Variants in RIMS2 observed in about 807,000 individuals in gnomAD.
RIMS2 encodes regulating synaptic membrane exocytosis protein 2.
In RIMS2, 59 loss-of-function variants were observed where a neutral mutation model predicts 174.4. The ratio of observed to expected loss-of-function variants is 0.34; its 90% CI spans 0.27 to 0.42. The LOEUF is 0.42. Among genes scored for constraint, RIMS2 ranks in the 10% least tolerant of loss-of-function variants. The probability of loss-of-function intolerance (pLI) is 1.00; values close to 1 mark genes in which losing one functional copy is unlikely to be tolerated. For synonymous variants in RIMS2, 606 were observed against 572.5 expected (o/e 1.06, Z -0.84); for missense variants, 1,620 against 1,666.3 (o/e 0.97, Z 0.48).
At chr8:103,741,186 A>G (rs1357114337) in intron 2 of RIMS2, among the ~76,000 whole-genome samples, 2 of 152,048 alleles carry the variant, frequency 1.3e-5, no homozygotes, top group Admixed American at 1.3e-4. Flanking sequence ...TTGATGAGAC[A>G]AAAGGGACTG....
chr8:104,195,122 T>A (rs1383301669), intron 19 of RIMS2, among the ~76,000 whole-genome samples: 1 of 152,192 alleles, frequency 6.6e-6, no homozygotes, highest in Non-Finnish European at 1.5e-5. Flanking sequence ...AGATTGAAGG[T>A]GGAACGACAG....
At chr8:103,626,090 C>T (rs937754601) in intron 1 of RIMS2, among the ~76,000 whole-genome samples, 3 of 151,978 alleles carry the variant, frequency 2.0e-5, no homozygotes, top group Non-Finnish European at 2.9e-5. Context: ...TTATAAATTT[C>T]TTTATATTTT....
chr8:103,807,106 C>T (rs901491037), intron 3 of RIMS2, among the ~76,000 whole-genome samples: 1 of 151,862 alleles, frequency 6.6e-6, no homozygotes, highest in Non-Finnish European at 1.5e-5. Context: ...GAAGGGGGAG[C>T]TGTAAATAAA....
chr8:103,686,621 T>G (rs2096943086), intron 1 of RIMS2, among the ~76,000 whole-genome samples: 1 of 152,226 alleles, frequency 6.6e-6, no homozygotes, highest in African/African-American at 2.4e-5. Flanking sequence ...CAAACTTACA[T>G]TCCTAAGATA....
intron 16 of RIMS2, among the ~76,000 whole-genome samples, chr8:103,983,380 A>G (rs1443207506): frequency 6.6e-6 from 1 of 152,236 alleles, no homozygotes; most frequent in Non-Finnish European, 1.5e-5. Context: ...CATTCATCAC[A>G]GAAATTGAAG....
Position 103,952,539 on chromosome 8 carries a change from C to T in RIMS2, c.2702-8526C>T, listed in dbSNP as rs539444673. ...AGGAGCCTGACTGTTGGAAGGAAACCGACAAACAGAAAGGAATAGTATTAA... is the reference window on the plus strand; with the variant it reads ...AGGAGCCTGACTGTTGGAAGGAAACTGACAAACAGAAAGGAATAGTATTAA... On this transcript the variant is annotated intron_variant, in intron 14 of 23. Transcript: ENST00000504942. Among the ~76,000 whole-genome samples, 16 of 152,212 alleles carry T rather than the reference C, an allele frequency of 1.1e-4. No individual in the cohort carries two copies. In the East Asian group the frequency reaches 1.7e-3, roughly 17 times the overall value.
chr8:103,648,336 G>T (rs2096384186), intron 1 of RIMS2, among the ~76,000 whole-genome samples: 1 of 151,980 alleles, frequency 6.6e-6, no homozygotes, highest in East Asian at 1.9e-4. Context: ...TTTTACTTCA[G>T]ATTATGTGAT....
intron 19 of RIMS2, among the ~76,000 whole-genome samples, chr8:104,217,435 A>G (rs934392514): frequency 2.0e-5 from 3 of 151,912 alleles, no homozygotes; most frequent in African/African-American, 7.3e-5. Context: ...CACCTGGCTA[A>G]TTTTGGTATT....
intron 1 of RIMS2, among the ~76,000 whole-genome samples, chr8:103,539,392 A>G (rs1587131689): frequency 6.6e-6 from 1 of 152,354 alleles, no homozygotes; most frequent in East Asian, 1.9e-4. Context: ...ACAGCTATCC[A>G]TAAACTGAAA....
intron 16 of RIMS2, among the ~76,000 whole-genome samples, chr8:103,986,893 T>A (rs1596445984): frequency 7.1e-6 from 1 of 141,802 alleles, no homozygotes; most frequent in African/African-American, 2.5e-5. Flanking sequence ...AACAGTAAAA[T>A]AAAATTAAAA....
intron 19 of RIMS2, among the ~76,000 whole-genome samples, chr8:104,089,265 C>T (rs1300306118): frequency 6.6e-6 from 1 of 151,832 alleles, no homozygotes; most frequent in African/African-American, 2.4e-5. Flanking sequence ...CCAACCATTT[C>T]CTAAATAAAT....
At chr8:104,175,866 T>A (rs1343969859) in intron 19 of RIMS2, among the ~76,000 whole-genome samples, 1 of 152,330 alleles carries the variant, frequency 6.6e-6, no homozygotes, top group South Asian at 2.1e-4. Context: ...GGCCAGTCAC[T>A]GATGTATGCT....
chr8:103,609,869 A>T (rs978558871), intron 1 of RIMS2, among the ~76,000 whole-genome samples: 2 of 152,196 alleles, frequency 1.3e-5, no homozygotes, highest in Non-Finnish European at 2.9e-5. Context: ...TCTGTGAAGT[A>T]TGTCATTGGT....
chr8:103,762,928 A>C lies in RIMS2; in HGVS notation c.388-3299A>C, dbSNP rs574111292. On this transcript the variant is annotated intron_variant, in intron 2 of 23. Coordinates refer to ENST00000504942, the Ensembl canonical transcript of RIMS2. ...TGTATCTGAACATATTTAAATATAG[A>C]AAAGGCATGGTAAAAATACGGTATT... 7.9e-5 allele frequency among the ~76,000 whole-genome samples: 12 copies of C among 152,324 alleles called. No homozygotes were observed. The East Asian group carries it at 2.3e-3, about 29-fold the overall frequency.
rs1378451668 is a variant in RIMS2 at position 103,593,842 on chromosome 8, T to A, written c.176+92780T>A. The stretch of plus-strand genomic sequence containing the variant: ...AATCAATTTAAAAATAAATAGAAAA[T>A]TTAATTTCTAAAAAGTAGATAGAAA... On this transcript the variant is annotated intron_variant, in intron 1 of 23. Coordinates refer to ENST00000504942, the Ensembl canonical transcript of RIMS2. 5.3e-5 allele frequency among the ~76,000 whole-genome samples: 8 copies of A among 151,310 alleles called. No individual in the cohort carries two copies. In the East Asian group the frequency reaches 1.5e-3, roughly 29 times the overall value.
At chr8:104,223,812 CG>C (rs1236584357) in intron 19 of RIMS2, 6 of 1,586,026 alleles carry the variant, frequency 3.8e-6, no homozygotes, top group Non-Finnish European at 4.3e-6. Context: ...CCCCTTCCCC[CG>C]TAGTTGGTGT....
chr8:103,946,571 G>T (rs984883259), intron 14 of RIMS2, among the ~76,000 whole-genome samples: 5 of 152,062 alleles, frequency 3.3e-5, no homozygotes, highest in Admixed American at 1.3e-4. Flanking sequence ...GTTCAAACTC[G>T]TACAATAAAA....
chr8:103,819,172 A>G (rs1735714742), intron 3 of RIMS2: 1 of 1,067,142 alleles, frequency 9.4e-7, no homozygotes, highest in Admixed American at 5.2e-5. Flanking sequence ...CATGTTTTTA[A>G]TAGGCTTAGA....
intron 2 of RIMS2, among the ~76,000 whole-genome samples, chr8:103,729,259 C>T (rs2097563375): frequency 6.6e-6 from 1 of 151,982 alleles, no homozygotes; most frequent in Admixed American, 6.6e-5. Context: ...ATTACTTGTT[C>T]TTGGTCTATC....
Sources: allele counts gnomAD v4.1 joint callset (sites outside exome capture counted in the v4.1 genomes callset), GRCh38; gene constraint gnomAD v4.1.1; transcripts MANE v1.5; gene names NCBI Gene and HGNC (gene_info 2026-07-23, HGNC 2026-07-21).